Variants in IQANK1 observed in about 807,000 individuals in gnomAD.
IQANK1 encodes IQ motif and ankyrin repeat containing 1.
In IQANK1, 30 loss-of-function variants were observed where a neutral mutation model predicts 22.6. That is an observed-to-expected ratio of 1.33 (90% CI 0.99 to 1.80). IQANK1 has a LOEUF of 1.80. Ranked by LOEUF, IQANK1 falls within the 40% of genes most tolerant of loss-of-function variation. The probability of loss-of-function intolerance (pLI) is 0.00; values close to 1 mark genes in which losing one functional copy is unlikely to be tolerated. For missense variants in IQANK1, 275 were observed against 235.2 expected, an observed-to-expected ratio of 1.17 and a Z score of -1.11; for synonymous variants, 122 against 99.6, an observed-to-expected ratio of 1.23 and a Z score of -1.34.
In IQANK1 at chr8:143,789,817, C is replaced by T. The variant is rs748742422; in HGVS notation, c.1143C>T (p.Ala381=). 2.9e-5 allele frequency: 36 copies of T among 1,232,138 alleles called. No homozygotes were observed. Among genetic ancestry groups the T allele is most frequent in the Admixed American group, 4.2e-5 (1 of 23,730 alleles). 76.3% of individuals were successfully genotyped at this position (1,232,138 alleles called of 1,614,324 possible). A position where few individuals can be genotyped will look rare whatever the true frequency, so the allele number is the denominator to read the frequency against. ...GGCTGCGGCAGGAGGCCCAGAAGGCCGAGGAGGCGCTGGCTATGGCCAGGC... is the reference window on the plus strand; with the variant it reads ...GGCTGCGGCAGGAGGCCCAGAAGGCTGAGGAGGCGCTGGCTATGGCCAGGC... ...VDRLRQEAQK[A]EEALAMARLE... The change falls in exon 11 of 14, where the codon GCC becomes GCT. Residue 381 remains alanine, a synonymous_variant. Transcript: ENST00000527139.
At chr8:143,761,806 GTGT>G (rs1193554575) in intron 3 of IQANK1, among the ~76,000 whole-genome samples, 1 of 85,204 alleles carries the variant, frequency 1.2e-5, no homozygotes, top group Non-Finnish European at 3.5e-5. Flanking sequence ...ATAAATTTCA[GTGT>G]TTTTTTTTTT....
chr8:143,776,327 C>CAAAAAAAAAAAAAAAA (rs57571355), intron 7 of IQANK1, among the ~76,000 whole-genome samples: 1 of 105,902 alleles, frequency 9.4e-6, no homozygotes, highest in Admixed American at 1.1e-4. Flanking sequence ...GACTCCGTCT[C>CAAAAAAAAAAAAAAAA]AAAAAAAAAA....
rs1466862771 is a variant in IQANK1 at position 143,790,426 on chromosome 8, C to T, written c.1501C>T (p.Gln501Ter). 2 of 629,452 alleles carry T rather than the reference C, an allele frequency of 3.2e-6. No homozygotes were observed. Among genetic ancestry groups the T allele is most frequent in the Non-Finnish European group, 4.6e-6 (2 of 437,700 alleles). The allele number at this position is 629,452 out of a possible 1,614,324, so 39.0% of individuals were successfully genotyped here. A position where few individuals can be genotyped will look rare whatever the true frequency, so the allele number is the denominator to read the frequency against. The change falls in exon 14 of 14, where the codon CAG (glutamine) becomes TAG (stop). Residue 501 changes from glutamine to a stop codon, truncating the protein, a stop_gained. Coordinates refer to ENST00000527139, the MANE Select transcript of IQANK1 (RefSeq NM_001381874.1). LOFTEE classifies it low-confidence loss of function (END_TRUNC). ...PVVQRQLEAV[Q>*]ERYLSLLRPT... is the part of the protein sequence containing the mutation. ...CGTGCAGCGGCAGCTGGAGGCGGTG[C>T]AGGAGAGGTACCTGTCGCTGCTGCG...
At chr8:143,756,484 AC>A in intron 3 of IQANK1, among the ~76,000 whole-genome samples, 1 of 152,026 alleles carries the variant, frequency 6.6e-6, no homozygotes, top group Non-Finnish European at 1.5e-5. Context: ...ACCTTCGCAC[AC>A]CCAGTTTCTT....
chr8:143,736,060 G>A, intron 2 of IQANK1, 122 bp downstream of exon 2: 1 of 639,910 alleles, frequency 1.6e-6, no homozygotes, highest in Non-Finnish European at 2.8e-6. Context: ...TGGCTTTTAG[G>A]GGACCTCTGA....
At chr8:143,753,910 G>T (rs1554628293) in intron 3 of IQANK1, among the ~76,000 whole-genome samples, 1 of 151,988 alleles carries the variant, frequency 6.6e-6, no homozygotes, top group African/African-American at 2.4e-5. Context: ...CCTTCCCCAG[G>T]GTTTGCTGGG....
At chr8:143,751,664 G>GTGTGTGTATATATATATATATA (rs370428606) in intron 3 of IQANK1, among the ~76,000 whole-genome samples, 23 of 61,544 alleles carry the variant, frequency 3.7e-4, no homozygotes, top group South Asian at 7.0e-4. Flanking sequence ...GTGTGTGTGT[G>GTGTGTGTATATATATATATATA]TATATATATA....
At chr8:143,776,412 A>C (rs1474325747) in intron 7 of IQANK1, among the ~76,000 whole-genome samples, 2 of 152,196 alleles carry the variant, frequency 1.3e-5, no homozygotes, top group African/African-American at 4.8e-5. Context: ...AACAAGAACA[A>C]ATCCAAGACA....
intron 7 of IQANK1, among the ~76,000 whole-genome samples, chr8:143,788,475 G>C (rs1379140493): frequency 6.6e-6 from 1 of 152,220 alleles, no homozygotes; most frequent in African/African-American, 2.4e-5. Context: ...GTGTCCTGCA[G>C]GCAGAGATCT....
Position 143,737,494 on chromosome 8 carries a change from C to T in IQANK1, c.85+1556C>T, listed in dbSNP as rs150015826. Among the ~76,000 whole-genome samples the T allele has an allele frequency of 5.7e-3, 872 of 152,324 alleles. 5 individuals carry two copies. The highest frequency in any genetic ancestry group is 0.02 in the Middle Eastern group (6 of 294). On this transcript the variant is annotated intron_variant, in intron 2 of 13. Coordinates refer to ENST00000527139, the MANE Select transcript of IQANK1 (RefSeq NM_001381874.1). ...TTGCAGTGCCCTGTGTGGCGGGCAC[C>T]GGCTTCACTTGGCAGATGTGAAGAT...
chr8:143,761,502 ACT>A (rs1819397367), intron 3 of IQANK1, among the ~76,000 whole-genome samples: 1 of 152,192 alleles, frequency 6.6e-6, no homozygotes, highest in African/African-American at 2.4e-5. Context: ...TGGCGGGGTA[ACT>A]CACACCTGTA....
intron 2 of IQANK1, among the ~76,000 whole-genome samples, chr8:143,737,580 T>C (rs1818775531): frequency 6.6e-6 from 1 of 152,154 alleles, no homozygotes; most frequent in South Asian, 2.1e-4. Context: ...ATCCCTAGGT[T>C]GCTGCAGTGG....
intron 7 of IQANK1, among the ~76,000 whole-genome samples, chr8:143,781,562 G>A (rs1019180207): frequency 5.3e-5 from 8 of 152,170 alleles, no homozygotes; most frequent in Admixed American, 3.3e-4. Context: ...ATTCCAGCAC[G>A]GTTTATTGAA....
intron 7 of IQANK1, among the ~76,000 whole-genome samples, chr8:143,777,573 G>GA (rs1324372888): frequency 6.7e-6 from 1 of 149,808 alleles, no homozygotes; most frequent in Non-Finnish European, 1.5e-5. Context: ...AAATATACCG[G>GA]AAAGGCTGGG....
At chr8:143,741,113 TG>T (rs1818902156) in intron 3 of IQANK1, among the ~76,000 whole-genome samples, 1 of 152,158 alleles carries the variant, frequency 6.6e-6, no homozygotes, top group Non-Finnish European at 1.5e-5. Context: ...TGCAGGCTCC[TG>T]GTGGGAAACC....
intron 3 of IQANK1, among the ~76,000 whole-genome samples, chr8:143,769,381 G>C (rs782432855): frequency 6.6e-6 from 1 of 151,828 alleles, no homozygotes; most frequent in Non-Finnish European, 1.5e-5. Flanking sequence ...TTTTTAAAGA[G>C]AGACAGGGTC....
chr8:143,765,510 G>T (rs1228360317), intron 3 of IQANK1, among the ~76,000 whole-genome samples: 7 of 152,102 alleles, frequency 4.6e-5, no homozygotes, highest in African/African-American at 1.4e-4. Context: ...GTTTTCAAAG[G>T]TTTATTAGCC....
intron 7 of IQANK1, among the ~76,000 whole-genome samples, chr8:143,782,489 T>G (rs1217472790): frequency 2.0e-5 from 3 of 152,236 alleles, no homozygotes; most frequent in Non-Finnish European, 4.4e-5. Context: ...TCTTTTTCTT[T>G]TTTTTTGAGA....
At chr8:143,755,500 A>G (rs913478473) in intron 3 of IQANK1, among the ~76,000 whole-genome samples, 4 of 152,192 alleles carry the variant, frequency 2.6e-5, no homozygotes, top group Admixed American at 2.6e-4. Context: ...AGTAGCTGGG[A>G]TTACAGGCGC....
Sources: gnomAD v4.1 joint callset for allele counts (sites outside exome capture counted in the v4.1 genomes callset) on GRCh38, gnomAD v4.1.1 for gene constraint, MANE v1.5 for transcripts, NCBI Gene and HGNC (gene_info 2026-07-23, HGNC 2026-07-21) for gene names.